The following DCAF8 variants were observed in gnomAD, a reference collection of about 807,000 sequenced individuals.
DCAF8 encodes DDB1 and CUL4 associated factor 8, also known as DDB1- and CUL4-associated factor 8.
In DCAF8, 20 loss-of-function variants were observed where a neutral mutation model predicts 68.0. The observed-to-expected ratio is 0.29, with a 90% CI of 0.21 to 0.43. The LOEUF (loss-of-function observed/expected upper bound fraction) is 0.43. Ranked by LOEUF, DCAF8 falls within the 20% of genes least tolerant of loss-of-function variation. DCAF8 has a pLI of 1.00. For synonymous variants in DCAF8, 230 were observed against 276.9 expected (o/e 0.83, Z 1.68); for missense variants, 460 against 771.0 (o/e 0.60, Z 4.78).
At position 160,240,099 on chromosome 1, in the gene DCAF8, T is replaced by C; in HGVS notation, c.321A>G (p.Glu107=). ...GCCGAGGCTGCTCTTCTTCCTCCTC[T>C]TCTTCCTCCTCTTCCTCTTCCTCTG... ...DRSEEEEEEE[E]EEEEEQPRRR... Residue 107 remains glutamate (E), a synonymous_variant, in exon 4 of 14, where the codon GAA becomes GAG. Coordinates refer to ENST00000368074, the MANE Select transcript of DCAF8 (RefSeq NM_015726.4). 6.2e-7 allele frequency: 1 copy of C among 1,613,762 alleles called. No individual in the cohort carries two copies. The highest frequency in any genetic ancestry group is 8.5e-7 in the Non-Finnish European group (1 of 1,179,636).
At position 160,217,686 on chromosome 1, in the gene DCAF8, C is replaced by T; in HGVS notation, c.1700G>A (p.Gly567Glu). 2.5e-6 allele frequency: 4 copies of T among 1,614,092 alleles called. No individual in the cohort carries two copies. The highest frequency in any genetic ancestry group is 8.5e-7 in the Non-Finnish European group (1 of 1,179,986). Residue 567 changes from glycine to glutamate, a missense_variant, in exon 14 of 14, where the codon GGG (glycine) becomes GAG (glutamate). Physicochemically the swap from Gly to Glu is moderately conservative, Grantham distance 98. Coordinates refer to ENST00000368074, the MANE Select transcript of DCAF8 (RefSeq NM_015726.4). The stretch of plus-strand genomic sequence containing the variant: ...CTCATCAGAGTCCGCGTCTGTGGCC[C>T]CAACCCCAGGTTCTCGCCAGCGCTG... ...HHRRWREPGV[G>E]ATDADSDESP... is the part of the protein sequence containing the mutation.
At chr1:160,244,295 T>C (rs541446137) in intron 2 of DCAF8, among the ~76,000 whole-genome samples, 2 of 152,310 alleles carry the variant, frequency 1.3e-5, no homozygotes, top group African/African-American at 4.8e-5. Flanking sequence ...TAACTGGCAG[T>C]GATTTTTCAG....
intron 7 of DCAF8, 117 bp downstream of exon 7, chr1:160,231,180 A>C (rs190146451): frequency 1.4e-6 from 1 of 737,046 alleles, no homozygotes; most frequent in Non-Finnish European, 2.3e-6. Flanking sequence ...TAAAAAATTC[A>C]AGATAATAGT....
rs534056791 is a variant in DCAF8 at position 160,226,207 on chromosome 1, A to T, written c.1071-544T>A. ...CTAACATTAGTATGGAGCTTTTTAC[A>T]TGTACATTACCTACCGAAAAAGGTT... On this transcript the variant is annotated intron_variant, in intron 7 of 13. Transcript: ENST00000368074. Among the ~76,000 whole-genome samples the T allele has an allele frequency of 3.3e-5, 5 of 152,288 alleles. No homozygotes were observed. The East Asian group carries it at 9.6e-4, about 29-fold the overall frequency.
At chr1:160,231,486 C>A in intron 6 of DCAF8, 79 bp from the exon 7 acceptor site, 1 of 957,234 alleles carries the variant, frequency 1.0e-6, no homozygotes, top group Non-Finnish European at 1.7e-6. Context: ...CCAAGAGAGT[C>A]ACATGGCTAA....
At chr1:160,254,910 T>A (rs4596880) in intron 2 of DCAF8, among the ~76,000 whole-genome samples, 65,278 of 152,020 alleles carry the variant, frequency 0.43, 14,993 homozygotes, top group South Asian at 0.61. Flanking sequence ...TGCTTTTGAG[T>A]TTTTCTTTTG....
At chr1:160,236,479 G>C (rs1182143834) in intron 6 of DCAF8, among the ~76,000 whole-genome samples, 2 of 151,956 alleles carry the variant, frequency 1.3e-5, no homozygotes, top group African/African-American at 2.4e-5. Context: ...GAAACTACTA[G>C]AGAGGGAAGG....
chr1:160,237,231 TGAA>T lies in DCAF8; in HGVS notation c.865-5_865-3del, dbSNP rs1655928500. 1 of 1,557,162 alleles carries T rather than the reference TGAA, an allele frequency of 6.4e-7. No homozygotes were observed. ...GGGAGAGTCTGGTTCCAGTGCCAAC[TGAA>T]GAAGAAAAAGGAAAAACATGAGGTT... On this transcript the variant is annotated splice_polypyrimidine_tract_variant and splice_region_variant and intron_variant, in intron 5 of 13. Transcript: ENST00000368074.
intron 2 of DCAF8, among the ~76,000 whole-genome samples, chr1:160,259,301 G>A (rs938698353): frequency 1.2e-4 from 18 of 152,308 alleles, no homozygotes; most frequent in African/African-American, 4.1e-4. Context: ...TTGGGAGGCT[G>A]AGGCGGGCAG....
intron 6 of DCAF8, among the ~76,000 whole-genome samples, chr1:160,234,653 T>TA (rs1255167167): frequency 1.3e-5 from 2 of 152,192 alleles, no homozygotes; most frequent in Non-Finnish European, 2.9e-5. Flanking sequence ...TAAATAAACT[T>TA]ACTATCATTT....
At chr1:160,242,573 G>C (rs941986305) in intron 3 of DCAF8, among the ~76,000 whole-genome samples, 5 of 152,174 alleles carry the variant, frequency 3.3e-5, no homozygotes, top group African/African-American at 9.7e-5. Context: ...ATAAGGGCCA[G>C]AGGGTATCAC....
At chr1:160,220,605 G>C (rs1012072533) in intron 11 of DCAF8, 1 of 152,214 alleles carries the variant, frequency 6.6e-6, no homozygotes, top group Non-Finnish European at 1.5e-5. Flanking sequence ...TGACTGGGCT[G>C]GGGGAATGTA....
chr1:160,236,155 G>GT (rs1655866269), intron 6 of DCAF8, among the ~76,000 whole-genome samples: 1 of 151,858 alleles, frequency 6.6e-6, no homozygotes, highest in South Asian at 2.1e-4. Context: ...TTTGTTTATT[G>GT]TAAGAGCAAT....
At chr1:160,252,106 A>G (rs1656622118) in intron 2 of DCAF8, among the ~76,000 whole-genome samples, 1 of 152,148 alleles carries the variant, frequency 6.6e-6, no homozygotes, top group African/African-American at 2.4e-5. Context: ...TACAAATCAC[A>G]AGCCTCTGGC....
intron 6 of DCAF8, among the ~76,000 whole-genome samples, chr1:160,236,821 A>G (rs1291754502): frequency 6.6e-6 from 1 of 152,260 alleles, no homozygotes. Context: ...CTGTACCTCT[A>G]CATGAGTCTG....
chr1:160,231,695 T>C (rs1655693034), intron 6 of DCAF8, among the ~76,000 whole-genome samples: 1 of 152,252 alleles, frequency 6.6e-6, no homozygotes, highest in Non-Finnish European at 1.5e-5. Flanking sequence ...TACCATTCTT[T>C]AGGAAGCCTC....
At chr1:160,231,913 A>G (rs1655701534) in intron 6 of DCAF8, among the ~76,000 whole-genome samples, 1 of 152,224 alleles carries the variant, frequency 6.6e-6, no homozygotes, top group African/African-American at 2.4e-5. Context: ...ACTTATGGCC[A>G]GGTATGGTGG....
intron 11 of DCAF8, among the ~76,000 whole-genome samples, chr1:160,221,821 A>C: frequency 6.9e-6 from 1 of 144,342 alleles, no homozygotes; most frequent in African/African-American, 2.5e-5. Context: ...AGGTCTCAAA[A>C]AAAAAAAAAA....
chr1:160,243,996 C>T lies in DCAF8; in HGVS notation c.13G>A (p.Gly5Arg), dbSNP rs1258601539. The T allele has an allele frequency of 6.2e-7, 1 of 1,614,164 alleles. No homozygotes were observed. The highest frequency in any genetic ancestry group is 8.5e-7 in the Non-Finnish European group (1 of 1,180,024). ...TCTGTTCTGCCATCTGTGCTGCTCC[C>T]TTTGCTGGACATCTTGAATGATGTT... MSSK[G>R]SSTDGRTDLA... Residue 5 changes from glycine (G) to arginine (R), a missense_variant, in exon 3 of 14, where the codon GGG (glycine) becomes AGG (arginine). This residue lies in a region of DCAF8 where 156 missense variants were observed against 181.4 expected (regional missense o/e 0.86). Coordinates refer to ENST00000368074, the MANE Select transcript of DCAF8 (RefSeq NM_015726.4).
Sources: allele counts gnomAD v4.1 joint callset (sites outside exome capture counted in the v4.1 genomes callset), GRCh38; gene constraint gnomAD v4.1.1; regional missense constraint gnomAD v4.1.1; transcripts MANE v1.5; gene names NCBI Gene and HGNC (gene_info 2026-07-23, HGNC 2026-07-21).